The following MYO18B variants were observed in gnomAD, a reference collection of about 807,000 sequenced individuals.
MYO18B encodes unconventional myosin-XVIIIb.
Under a neutral mutation model 273.0 loss-of-function variants are expected in MYO18B, and 204 were observed. That is an observed-to-expected ratio of 0.75 (90% CI 0.67 to 0.84). The LOEUF is 0.84. MYO18B is among the 40% of genes least tolerant of loss of function. The probability of loss-of-function intolerance (pLI) is 0.00; values close to 1 mark genes in which losing one functional copy is unlikely to be tolerated. For synonymous variants in MYO18B, 1,330 were observed against 1,305.7 expected, an observed-to-expected ratio of 1.02 and a Z score of -0.40; for missense variants, 3,212 against 3,287.6, an observed-to-expected ratio of 0.98 and a Z score of 0.56.
At chr22:25,867,622 T>TCTTTCTTC (rs2090926629) in intron 21 of MYO18B, among the ~76,000 whole-genome samples, 1 of 151,486 alleles carries the variant, frequency 6.6e-6, no homozygotes, top group African/African-American at 2.4e-5. Context: ...GACCCTGATT[T>TCTTTCTTC]CTTTCTTTCT....
rs758266008 is a variant in MYO18B, at chr22:25,992,512, G to A, written c.6287+19G>A. 2.5e-6 allele frequency: 4 copies of A among 1,613,310 alleles called. No homozygotes were observed. The highest frequency in any genetic ancestry group is 1.7e-4 in the Middle Eastern group (1 of 6,058). On this transcript the variant is annotated intron_variant, in intron 40 of 43. Transcript: ENST00000335473. ...CTGAGAGGTAACTTGCTAGGGGCTC[G>A]GCGGGGCTGGGCGCAGCAGGTGGGC...
chr22:25,902,879 T>C, intron 30 of MYO18B, 143 bp downstream of exon 30: 1 of 916,012 alleles, frequency 1.1e-6, no homozygotes, highest in Non-Finnish European at 1.6e-6. Flanking sequence ...TCCCAGTGTG[T>C]CTTAATAAAA....
chr22:25,861,519 T>TC (rs1288189407), intron 21 of MYO18B, among the ~76,000 whole-genome samples: 2 of 152,200 alleles, frequency 1.3e-5, no homozygotes, highest in African/African-American at 4.8e-5. Context: ...TATTTCATTT[T>TC]CCCCCTTCCA....
chr22:25,922,043 G>A (rs552812562), intron 34 of MYO18B, among the ~76,000 whole-genome samples: 24 of 152,172 alleles, frequency 1.6e-4, no homozygotes, highest in Admixed American at 4.6e-4. Context: ...CCCTCACTAG[G>A]TACTGGGTCC....
chr22:25,979,862 TAAG>T (rs751976656), intron 39 of MYO18B, among the ~76,000 whole-genome samples: 6 of 152,048 alleles, frequency 3.9e-5, no homozygotes, highest in Non-Finnish European at 8.8e-5. Flanking sequence ...CCCTGTGTGA[TAAG>T]GTCTTGAGGA....
the MYO18B span, among the ~76,000 whole-genome samples, chr22:26,061,634 A>G: frequency 6.6e-6 from 1 of 151,730 alleles, no homozygotes. Context: ...TATTGCCGAG[A>G]AACGTCATCT....
intron 42 of MYO18B, among the ~76,000 whole-genome samples, chr22:26,010,125 C>T (rs1934773830): frequency 1.3e-5 from 2 of 152,044 alleles, no homozygotes; most frequent in South Asian, 4.2e-4. Context: ...TCAACGAATC[C>T]GTAAGTCTTG....
At chr22:25,870,886 T>C (rs1238161439) in intron 22 of MYO18B, among the ~76,000 whole-genome samples, 1 of 152,172 alleles carries the variant, frequency 6.6e-6, no homozygotes, top group African/African-American at 2.4e-5. Flanking sequence ...GTGCCTATGA[T>C]CCTGGCAGCT....
chr22:26,062,848 GA>G, the MYO18B span, among the ~76,000 whole-genome samples: 1 of 152,184 alleles, frequency 6.6e-6, no homozygotes, highest in Non-Finnish European at 1.5e-5. Context: ...CCCCTGAAGA[GA>G]AAAGGCCATG....
chr22:25,914,040 C>T (rs1336888252), intron 33 of MYO18B, among the ~76,000 whole-genome samples: 1 of 152,144 alleles, frequency 6.6e-6, no homozygotes, highest in Non-Finnish European at 1.5e-5. Context: ...AGGAATCTAT[C>T]TTCCTCAATA....
chr22:25,903,076 A>G (rs1363126037), intron 30 of MYO18B: 5 of 240,876 alleles, frequency 2.1e-5, no homozygotes, highest in Non-Finnish European at 4.1e-5. Context: ...CAATGCAGAG[A>G]GATTTTACTA....
chr22:25,819,881 T>A (rs1350161636), intron 12 of MYO18B, among the ~76,000 whole-genome samples: 1 of 151,392 alleles, frequency 6.6e-6, no homozygotes, highest in Non-Finnish European at 1.5e-5. Flanking sequence ...TTTTTAGGAC[T>A]CTTGTGAAGA....
intron 19 of MYO18B, 39 bp downstream of exon 19, chr22:25,846,322 C>A: frequency 1.9e-6 from 3 of 1,600,032 alleles, no homozygotes; most frequent in Non-Finnish European, 2.6e-6. Context: ...CTGGCCTTCA[C>A]TGCCTCCATC....
intron 1 of MYO18B, among the ~76,000 whole-genome samples, chr22:25,753,778 C>A (rs528314532): frequency 3.3e-4 from 50 of 152,280 alleles, no homozygotes; most frequent in African/African-American, 1.2e-3. Flanking sequence ...AGACCGCGAA[C>A]CCATGAGAAG....
intron 1 of MYO18B, among the ~76,000 whole-genome samples, chr22:25,748,904 C>G (rs1247301236): frequency 2.0e-5 from 3 of 152,234 alleles, no homozygotes; most frequent in African/African-American, 2.4e-5. Context: ...CTTTGGCCAT[C>G]AAACTCCAGG....
the MYO18B span, among the ~76,000 whole-genome samples, chr22:26,042,018 G>T: frequency 3.3e-5 from 5 of 152,174 alleles, no homozygotes; most frequent in Admixed American, 6.5e-5. Context: ...TGTCATCACG[G>T]CTCCACCCTA....
At chr22:26,005,873 G>T (rs1414530662) in intron 42 of MYO18B, among the ~76,000 whole-genome samples, 6 of 152,192 alleles carry the variant, frequency 3.9e-5, no homozygotes, top group Non-Finnish European at 8.8e-5. Flanking sequence ...CATGTCTGCA[G>T]ATAATCTTAG....
intron 37 of MYO18B, among the ~76,000 whole-genome samples, chr22:25,951,201 C>T (rs1335233470): frequency 1.3e-5 from 2 of 152,230 alleles, no homozygotes; most frequent in African/African-American, 4.8e-5. Flanking sequence ...CACCCAGGAT[C>T]AATACTTTGT....
intron 2 of MYO18B, 194 bp from the exon 3 acceptor site, chr22:25,763,037 A>G (rs749961389): frequency 6.6e-6 from 5 of 762,064 alleles, no homozygotes; most frequent in South Asian, 1.4e-5. Flanking sequence ...CCTGTGTTCC[A>G]TTTTCATGCG....
Sources: allele counts gnomAD v4.1 joint callset (sites outside exome capture counted in the v4.1 genomes callset), GRCh38; gene constraint gnomAD v4.1.1; transcripts MANE v1.5; gene names NCBI Gene and HGNC (gene_info 2026-07-23, HGNC 2026-07-21).